The following CNTN4 variants were observed in gnomAD, a reference collection of about 807,000 sequenced individuals.
CNTN4 encodes contactin-4.
CNTN4 carries 77 observed loss-of-function variants against 122.5 expected under a neutral mutation model. That is an observed-to-expected ratio of 0.63 (90% CI 0.52 to 0.76). CNTN4 has a LOEUF of 0.76. CNTN4 is among the 30% of genes least tolerant of loss of function. The pLI, the probability that CNTN4 is intolerant of heterozygous loss-of-function variation, is 0.00. For missense variants in CNTN4, 1,256 were observed against 1,259.1 expected (o/e 1.00, Z 0.04); for synonymous variants, 512 against 447.0 (o/e 1.15, Z -1.83).
intron 3 of CNTN4, among the ~76,000 whole-genome samples, chr3:2,528,321 G>A (rs1444898395): frequency 6.6e-6 from 1 of 152,002 alleles, no homozygotes. Context: ...ATTGGAATTG[G>A]ATTTTGATTG....
intron 7 of CNTN4, among the ~76,000 whole-genome samples, chr3:2,852,606 T>C (rs1417315932): frequency 6.6e-6 from 1 of 152,208 alleles, no homozygotes; most frequent in Non-Finnish European, 1.5e-5. Context: ...CCAACCCTCC[T>C]ATGGTGTGTT....
chr3:2,121,869 C>T (rs1364819982), intron 2 of CNTN4, among the ~76,000 whole-genome samples: 1 of 135,776 alleles, frequency 7.4e-6, no homozygotes, highest in Non-Finnish European at 1.5e-5. Context: ...GCCATTGTAC[C>T]CCCTTTGTAT....
At chr3:2,470,633 C>T (rs2075653779) in intron 3 of CNTN4, among the ~76,000 whole-genome samples, 2 of 152,134 alleles carry the variant, frequency 1.3e-5, no homozygotes, top group Admixed American at 6.5e-5. Flanking sequence ...GACACTTACA[C>T]CCCCACAATG....
At chr3:2,358,086 T>C (rs988841232) in intron 3 of CNTN4, among the ~76,000 whole-genome samples, 2 of 152,152 alleles carry the variant, frequency 1.3e-5, no homozygotes, top group African/African-American at 4.8e-5. Flanking sequence ...CGAGGGGAAG[T>C]CAACTGCAGC....
At chr3:3,008,087 A>T (rs1235726820) in intron 14 of CNTN4, among the ~76,000 whole-genome samples, 2 of 152,214 alleles carry the variant, frequency 1.3e-5, no homozygotes, top group Non-Finnish European at 2.9e-5. Flanking sequence ...CTATTCAGCC[A>T]TGTAGAGAAT....
intron 3 of CNTN4, among the ~76,000 whole-genome samples, chr3:2,340,706 T>TAGAGAGAGAGAGAGAGAGAGAGAGGGGG (rs1176854234): frequency 1.7e-4 from 4 of 24,074 alleles, no homozygotes; most frequent in South Asian, 2.5e-3. Context: ...TATATATATA[T>TAGAGAGAGAGAGAGAGAGAGAGAGGGGG]ATATAGAGAG....
At chr3:2,106,235 T>G in intron 2 of CNTN4, among the ~76,000 whole-genome samples, 1 of 152,176 alleles carries the variant, frequency 6.6e-6, no homozygotes, top group African/African-American at 2.4e-5. Context: ...CATTCTGAAG[T>G]CTAGAGGACC....
intron 2 of CNTN4, among the ~76,000 whole-genome samples, chr3:2,188,692 G>C (rs1195030542): frequency 6.6e-6 from 1 of 152,174 alleles, no homozygotes; most frequent in Non-Finnish European, 1.5e-5. Context: ...CAGAAAGGCA[G>C]TAATTAGGGC....
intron 6 of CNTN4, among the ~76,000 whole-genome samples, chr3:2,747,847 A>G (rs912161631): frequency 6.6e-6 from 1 of 152,246 alleles, no homozygotes; most frequent in Non-Finnish European, 1.5e-5. Context: ...AGACTGCTCT[A>G]CTTGTTCAAA....
intron 2 of CNTN4, among the ~76,000 whole-genome samples, chr3:2,284,092 G>C (rs1276739251): frequency 1.3e-5 from 2 of 152,028 alleles, no homozygotes; most frequent in African/African-American, 4.8e-5. Flanking sequence ...GAGGCAAATA[G>C]AGTAAGTACC....
intron 4 of CNTN4, among the ~76,000 whole-genome samples, chr3:2,700,103 G>T (rs767460): frequency 6.6e-6 from 1 of 151,890 alleles, no homozygotes; most frequent in Non-Finnish European, 1.5e-5. Flanking sequence ...AAATTACACA[G>T]CAAGCAGTAG....
intron 2 of CNTN4, among the ~76,000 whole-genome samples, chr3:2,253,300 G>A (rs1559381471): frequency 6.6e-6 from 1 of 152,088 alleles, no homozygotes; most frequent in Non-Finnish European, 1.5e-5. Context: ...AATAAACAGT[G>A]ACTTTATGTC....
At chr3:2,403,062 C>A (rs541718980) in intron 3 of CNTN4, among the ~76,000 whole-genome samples, 78 of 152,188 alleles carry the variant, frequency 5.1e-4, no homozygotes, top group Non-Finnish European at 1.0e-3. Context: ...CTGTCCCATG[C>A]CTTTCTTCTA....
intron 4 of CNTN4, among the ~76,000 whole-genome samples, chr3:2,602,053 T>C (rs1461289364): frequency 6.6e-6 from 1 of 152,182 alleles, no homozygotes; most frequent in African/African-American, 2.4e-5. Context: ...CTCTTCATAC[T>C]GAAAACTCTC....
chr3:2,161,460 A>T (rs2035965520), intron 2 of CNTN4, among the ~76,000 whole-genome samples: 1 of 152,026 alleles, frequency 6.6e-6, no homozygotes, highest in African/African-American at 2.4e-5. Context: ...GTGGAGGTGG[A>T]GAGAGATCTG....
chr3:2,818,060 C>A (rs2092778666), intron 6 of CNTN4, among the ~76,000 whole-genome samples: 2 of 152,180 alleles, frequency 1.3e-5, no homozygotes, highest in Non-Finnish European at 2.9e-5. Flanking sequence ...CAGCCCAAAC[C>A]TGGCAGTCTT....
At chr3:2,564,709 T>C (rs112646723) in intron 3 of CNTN4, among the ~76,000 whole-genome samples, 5,407 of 152,058 alleles carry the variant, frequency 0.036, 319 homozygotes, top group African/African-American at 0.12. Flanking sequence ...ATTATTGAGG[T>C]TACTTCCGTT....
intron 3 of CNTN4, among the ~76,000 whole-genome samples, chr3:2,440,963 A>G (rs11720918): frequency 0.15 from 22,628 of 149,562 alleles, 2,228 homozygotes; most frequent in Non-Finnish European, 0.22. Flanking sequence ...ACACACATAT[A>G]TATTTCTATA....
intron 3 of CNTN4, among the ~76,000 whole-genome samples, chr3:2,494,815 G>T (rs2076411441): frequency 6.6e-6 from 1 of 152,192 alleles, no homozygotes; most frequent in African/African-American, 2.4e-5. Flanking sequence ...TAAGATCTCT[G>T]TGTTAATGCT....
Sources: gnomAD v4.1 joint callset for allele counts (sites outside exome capture counted in the v4.1 genomes callset) on GRCh38, gnomAD v4.1.1 for gene constraint, MANE v1.5 for transcripts, NCBI Gene and HGNC (gene_info 2026-07-23, HGNC 2026-07-21) for gene names.